Variants in EFHC2 observed in about 807,000 individuals in gnomAD.
EFHC2 encodes EF-hand domain-containing family member C2.
In EFHC2, 18 loss-of-function variants were observed where a neutral mutation model predicts 52.7. The ratio of observed to expected loss-of-function variants is 0.34; its 90% CI spans 0.24 to 0.51. EFHC2 has a LOEUF of 0.51. Ranked by LOEUF, EFHC2 falls within the 20% of genes least tolerant of loss-of-function variation. The pLI, the probability that EFHC2 is intolerant of heterozygous loss-of-function variation, is 0.97. For missense variants in EFHC2, 513 were observed against 562.5 expected (o/e 0.91, Z 0.89); for synonymous variants, 203 against 204.1 (o/e 0.99, Z 0.04).
intron 2 of EFHC2, among the ~76,000 whole-genome samples, chrX:44,283,471 G>A (rs909429910): frequency 9.0e-6 from 1 of 111,156 alleles, no homozygotes; most frequent in East Asian, 2.8e-4. Context: ...CGTAAGCCAC[G>A]GCGCACGGCC....
intron 2 of EFHC2, among the ~76,000 whole-genome samples, chrX:44,303,903 T>C (rs2037885656): frequency 8.9e-6 from 1 of 112,153 alleles, no homozygotes; most frequent in Non-Finnish European, 1.9e-5. Context: ...TAAGATCAAC[T>C]TTTATCTTGC....
chrX:44,322,233 T>C lies in EFHC2; in HGVS notation c.43-9477A>G, dbSNP rs2038025546. ...TATACCCATAATTCCTGTACAGCCA[T>C]CACTGTACTCACCATATTATACTAT... is the stretch of plus-strand genomic sequence containing the variant. On this transcript the variant is annotated intron_variant, in intron 1 of 14. Transcript: ENST00000420999. Among the ~76,000 whole-genome samples the C allele has an allele frequency of 6.2e-5, 7 of 112,296 alleles. No individual in the cohort carries two copies. The South Asian group carries it at 2.6e-3, about 42-fold the overall frequency.
chrX:44,281,204 G>A (rs938041343), intron 2 of EFHC2, among the ~76,000 whole-genome samples: 1 of 112,577 alleles, frequency 8.9e-6, no homozygotes, highest in African/African-American at 3.2e-5. Context: ...ACAGGCGTGA[G>A]CCACCGGGCC....
At chrX:44,161,140 G>A (rs2036651133) in intron 14 of EFHC2, among the ~76,000 whole-genome samples, 2 of 111,366 alleles carry the variant, frequency 1.8e-5, no homozygotes, top group Non-Finnish European at 3.8e-5. Flanking sequence ...TGGATTGAGT[G>A]GAATGGAAGA....
chrX:44,257,247 G>T (rs2037499251), intron 4 of EFHC2, among the ~76,000 whole-genome samples: 1 of 111,663 alleles, frequency 9.0e-6, no homozygotes, highest in African/African-American at 3.3e-5. Context: ...ACAAGACAAG[G>T]ATGCCCTCTC....
At chrX:44,154,387 G>T (rs898404533) in intron 14 of EFHC2, among the ~76,000 whole-genome samples, 3 of 111,953 alleles carry the variant, frequency 2.7e-5, no homozygotes, top group African/African-American at 9.7e-5. Context: ...TGAAGTGTCA[G>T]TGTTTCCCAG....
intron 1 of EFHC2, among the ~76,000 whole-genome samples, chrX:44,336,588 A>G: frequency 8.9e-6 from 1 of 111,817 alleles, no homozygotes. Flanking sequence ...CAAAATTTAC[A>G]TAAAAGTAAG....
intron 11 of EFHC2, among the ~76,000 whole-genome samples, chrX:44,204,866 C>A (rs899636126): frequency 9.0e-6 from 1 of 111,498 alleles, no homozygotes; most frequent in Non-Finnish European, 1.9e-5. Context: ...CATGCAGATA[C>A]AAGAAATTCA....
intron 11 of EFHC2, among the ~76,000 whole-genome samples, chrX:44,225,264 A>AC (rs1482187594): frequency 4.6e-5 from 5 of 109,501 alleles, no homozygotes; most frequent in Non-Finnish European, 9.5e-5. Context: ...AAAAAAAAAA[A>AC]CAAAAACCAT....
At chrX:44,218,042 CAGA>C (rs1195727026) in intron 11 of EFHC2, among the ~76,000 whole-genome samples, 1 of 111,325 alleles carries the variant, frequency 9.0e-6, no homozygotes, top group Non-Finnish European at 1.9e-5. Context: ...CCCTATCCCT[CAGA>C]AGAAGAAGGG....
intron 13 of EFHC2, among the ~76,000 whole-genome samples, chrX:44,167,024 C>G (rs2036701234): frequency 8.9e-6 from 1 of 111,886 alleles, no homozygotes; most frequent in Non-Finnish European, 1.9e-5. Flanking sequence ...ACTTTCTTGC[C>G]TGCAATCCTC....
chrX:44,282,280 T>C (rs1372549344), intron 2 of EFHC2, among the ~76,000 whole-genome samples: 4 of 107,109 alleles, frequency 3.7e-5, no homozygotes, highest in African/African-American at 1.4e-4. Context: ...AGAAAAATAC[T>C]GAGGCTATAC....
chrX:44,163,873 T>C (rs2036675938), intron 14 of EFHC2, 49 bp downstream of exon 14: 1 of 834,289 alleles, frequency 1.2e-6, no homozygotes, highest in Non-Finnish European at 1.7e-6. Context: ...ATATTAAACA[T>C]GCAAGGGAAG....
chrX:44,182,699 A>G (rs1415018631), intron 11 of EFHC2, among the ~76,000 whole-genome samples: 1 of 112,284 alleles, frequency 8.9e-6, no homozygotes, highest in Non-Finnish European at 1.9e-5. Context: ...GTATTTTAAA[A>G]GGCAGTTGTG....
intron 4 of EFHC2, among the ~76,000 whole-genome samples, chrX:44,258,186 A>G (rs1316437007): frequency 3.6e-5 from 4 of 112,226 alleles, no homozygotes; most frequent in Non-Finnish European, 5.6e-5. Flanking sequence ...AAAACTCTAA[A>G]GAAAACCTAG....
chrX:44,154,221 T>C (rs2036590591), intron 14 of EFHC2, among the ~76,000 whole-genome samples: 1 of 113,043 alleles, frequency 8.8e-6, no homozygotes, highest in Admixed American at 9.3e-5. Context: ...GGCTTCTCTT[T>C]GGCCTCTGAG....
intron 13 of EFHC2, among the ~76,000 whole-genome samples, chrX:44,168,510 C>A (rs142251538): frequency 0.11 from 11,589 of 105,704 alleles, 675 homozygotes; most frequent in African/African-American, 0.2. Flanking sequence ...CCGGCCTGGG[C>A]GACAGAGCGA....
intron 10 of EFHC2, among the ~76,000 whole-genome samples, chrX:44,230,883 T>C (rs1215222894): frequency 9.0e-6 from 1 of 111,557 alleles, no homozygotes; most frequent in African/African-American, 3.3e-5. Context: ...ACATCTAATC[T>C]TCATAGCAAT....
At chrX:44,335,889 G>C (rs1434379833) in intron 1 of EFHC2, among the ~76,000 whole-genome samples, 1 of 111,911 alleles carries the variant, frequency 8.9e-6, no homozygotes, top group Non-Finnish European at 1.9e-5. Flanking sequence ...CACCCAACTT[G>C]TATCCAGACT....
Sources: allele counts gnomAD v4.1 joint callset (sites outside exome capture counted in the v4.1 genomes callset), GRCh38; gene constraint gnomAD v4.1.1; transcripts MANE v1.5; gene names NCBI Gene and HGNC (gene_info 2026-07-23, HGNC 2026-07-21).